The following GABRA5 variants were observed in gnomAD, a reference collection of about 807,000 sequenced individuals.
The protein encoded by GABRA5 is gamma-aminobutyric acid type A receptor subunit alpha5.
A neutral mutation model predicts 47.3 loss-of-function variants in GABRA5; 18 were observed. That is an observed-to-expected ratio of 0.38 (90% CI 0.26 to 0.56). The LOEUF (loss-of-function observed/expected upper bound fraction) is 0.56. GABRA5 is among the 20% of genes least tolerant of loss of function. The pLI is 0.71. For missense variants in GABRA5, 365 were observed against 599.3 expected (o/e 0.61, Z 4.08); for synonymous variants, 237 against 229.3 (o/e 1.03, Z -0.30).
At chr15:26,868,690 A>C (rs780665732) in intron 1 of GABRA5, 39 bp from the exon 2 acceptor site, 1 of 153,626 alleles carries the variant, frequency 6.5e-6, no homozygotes, top group East Asian at 1.9e-4. Context: ...CTGTTTCTTA[A>C]ATGTGCTTTT....
In GABRA5 at chr15:26,899,582, G is replaced by A. The variant is rs552965536; in HGVS notation, c.498-15221G>A. 3.7e-4 allele frequency among the ~76,000 whole-genome samples: 56 copies of A among 152,266 alleles called. 1 individual carries two copies. Among genetic ancestry groups the A allele is most frequent in the African/African-American group, 1.3e-3 (55 of 41,538 alleles). On this transcript the variant is annotated intron_variant, in intron 6 of 10. Transcript: ENST00000335625. Reference sequence around the variant, plus strand: ...GTGTATTTTTCTCTGAGGTTTGTTAGTTTGGTCTGATATATTTTTGAGTTT... The same window carrying A: ...GTGTATTTTTCTCTGAGGTTTGTTAATTTGGTCTGATATATTTTTGAGTTT...
Position 26,883,574 on chromosome 15 carries a change from G to T in GABRA5, c.497+17G>T. 6.6e-7 allele frequency: 1 copy of T among 1,525,354 alleles called. No homozygotes were observed. The highest frequency in any genetic ancestry group is 1.2e-5 in the South Asian group (1 of 84,900). 94.5% of individuals were successfully genotyped at this position (1,525,354 alleles called of 1,614,324 possible). ...CACCATGCGGTGAGCGCCGGGCGGG[G>T]GCGGGCGGGGCCGGGGGACGGTGCG... On this transcript the variant is annotated intron_variant, in intron 6 of 10. Transcript: ENST00000335625. This position sits in a 1 kb window ranked among gnomAD's most constrained non-coding sequence, Gnocchi z 4.8.
At chr15:26,897,629 A>G (rs1050757130) in intron 6 of GABRA5, among the ~76,000 whole-genome samples, 1 of 152,184 alleles carries the variant, frequency 6.6e-6, no homozygotes, top group African/African-American at 2.4e-5. Context: ...TTTCTTTACA[A>G]ACTCAACAGG....
In GABRA5 at chr15:26,948,289, G is replaced by A; in HGVS notation, c.*56G>A. ...ATACTTCCAGCGAAATGGTACCAAG[G>A]AGAGGTCTTGCTCACAGGGACTCTC... On this transcript the variant is annotated 3_prime_UTR_variant, in exon 11 of 11. Coordinates refer to ENST00000335625, the MANE Select transcript of GABRA5 (RefSeq NM_000810.4). 1 of 1,547,268 alleles carries A rather than the reference G, an allele frequency of 6.5e-7. No individual in the cohort carries two copies. The highest frequency in any genetic ancestry group is 8.8e-7 in the Non-Finnish European group (1 of 1,140,580).
At chr15:26,892,397 G>C (rs1165375884) in intron 6 of GABRA5, among the ~76,000 whole-genome samples, 2 of 152,150 alleles carry the variant, frequency 1.3e-5, no homozygotes, top group Non-Finnish European at 2.9e-5. Context: ...TCCCTTCTCC[G>C]GGCCCTACCC....
chr15:26,935,508 C>T (rs375853584), intron 7 of GABRA5, among the ~76,000 whole-genome samples: 3 of 152,340 alleles, frequency 2.0e-5, no homozygotes, highest in Non-Finnish European at 1.5e-5. Context: ...CCGGCCTCCC[C>T]ACAGCTCTCC....
At chr15:26,944,699 C>T (rs993241717) in intron 10 of GABRA5, among the ~76,000 whole-genome samples, 41 of 152,132 alleles carry the variant, frequency 2.7e-4, no homozygotes, top group African/African-American at 9.4e-4. Context: ...TGGGGAGGAA[C>T]GAGAATGGAG....
At chr15:26,934,082 A>G (rs7169164) in intron 7 of GABRA5, among the ~76,000 whole-genome samples, 72,180 of 151,532 alleles carry the variant, frequency 0.48, 17,693 homozygotes, top group East Asian at 0.85. Context: ...GCAAAACCCC[A>G]TCTATACAAA....
intron 6 of GABRA5, among the ~76,000 whole-genome samples, chr15:26,891,864 C>G (rs957370752): frequency 6.6e-5 from 10 of 152,214 alleles, no homozygotes; most frequent in African/African-American, 2.4e-4. Flanking sequence ...GCCAAGTGAC[C>G]CGCTCTGCTC....
In GABRA5 at chr15:26,908,167, A is replaced by G. The variant is rs540584315; in HGVS notation, c.498-6636A>G. Among the ~76,000 whole-genome samples, 3 of 152,184 alleles carry G rather than the reference A, an allele frequency of 2.0e-5. No homozygotes were observed. The East Asian group carries it at 5.8e-4, about 29-fold the overall frequency. ...CAGTTCTTTTTAATTGAATATTTGG[A>G]TCAGTATATCTTCATTTGCTAATCT... On this transcript the variant is annotated intron_variant, in intron 6 of 10. Transcript: ENST00000335625.
rs1410236615 is a variant in GABRA5 at position 26,883,729 on chromosome 15, C to T, written c.497+172C>T. Among the ~76,000 whole-genome samples the T allele has an allele frequency of 6.6e-6, 1 of 152,206 alleles. No individual in the cohort carries two copies. Among genetic ancestry groups the T allele is most frequent in the Non-Finnish European group, 1.5e-5 (1 of 68,026 alleles). ...ATCTGCCCACACCAGCGCTCTTGGACGTTCTTTCCCAGGGCTGCCATAGGT... is the reference window on the plus strand; with the variant it reads ...ATCTGCCCACACCAGCGCTCTTGGATGTTCTTTCCCAGGGCTGCCATAGGT... On this transcript the variant is annotated intron_variant, in intron 6 of 10. Transcript: ENST00000335625. The surrounding 1 kb of genome is among the most constrained non-coding windows in gnomAD (Gnocchi z 4.8).
At chr15:26,897,114 T>A (rs1360328912) in intron 6 of GABRA5, among the ~76,000 whole-genome samples, 2 of 151,988 alleles carry the variant, frequency 1.3e-5, no homozygotes, top group Non-Finnish European at 2.9e-5. Flanking sequence ...TCACTGCCAT[T>A]ATAGAGAATA....
At chr15:26,902,317 T>G (rs540391638) in intron 6 of GABRA5, among the ~76,000 whole-genome samples, 1 of 152,250 alleles carries the variant, frequency 6.6e-6, no homozygotes, top group Non-Finnish European at 1.5e-5. Context: ...TTTATTTTAT[T>G]AGAGTTTTCT....
Position 26,890,597 on chromosome 15 carries a change from A to G in GABRA5, c.497+7040A>G, listed in dbSNP as rs549790862. 2.4e-4 allele frequency among the ~76,000 whole-genome samples: 37 copies of G among 152,068 alleles called. No homozygotes were observed. In the South Asian group the frequency reaches 7.3e-3, roughly 30 times the overall value. ...CTCCCTGTAGGCACGCAGCCACACC[A>G]TCCTTCATGTCCTCAGTCACTGAAG... On this transcript the variant is annotated intron_variant, in intron 6 of 10. Coordinates refer to ENST00000335625, the MANE Select transcript of GABRA5 (RefSeq NM_000810.4).
chr15:26,947,782 C>G (rs750396808), intron 10 of GABRA5, among the ~76,000 whole-genome samples, 152 bp from the exon 11 acceptor site: 1 of 152,198 alleles, frequency 6.6e-6, no homozygotes, highest in Non-Finnish European at 1.5e-5. Flanking sequence ...TGTGCCCTGT[C>G]TGCAGGCTAC....
chr15:26,946,007 C>T (rs762429451), intron 10 of GABRA5, among the ~76,000 whole-genome samples: 24 of 151,772 alleles, frequency 1.6e-4, no homozygotes, highest in Admixed American at 6.5e-4. Context: ...AAGGCGGGGA[C>T]GGCAAAACTG....
chr15:26,946,608 G>A (rs1325563632), intron 10 of GABRA5, among the ~76,000 whole-genome samples: 1 of 152,114 alleles, frequency 6.6e-6, no homozygotes, highest in Non-Finnish European at 1.5e-5. Context: ...CCTTTGCTGA[G>A]TGTGGACAAA....
chr15:26,874,734 G>A (rs1026331706), intron 3 of GABRA5, among the ~76,000 whole-genome samples: 1 of 152,086 alleles, frequency 6.6e-6, no homozygotes, highest in Non-Finnish European at 1.5e-5. Flanking sequence ...GCAGTTCATT[G>A]AAAACTCTAT....
chr15:26,876,812 T>A (rs1440588808), intron 3 of GABRA5, among the ~76,000 whole-genome samples: 2 of 152,144 alleles, frequency 1.3e-5, no homozygotes, highest in African/African-American at 4.8e-5. Context: ...CTGATGGGCA[T>A]GGCAAGAGAA....
Sources: allele counts gnomAD v4.1 joint callset (sites outside exome capture counted in the v4.1 genomes callset), GRCh38; gene constraint gnomAD v4.1.1; non-coding constraint Gnocchi (gnomAD v3.1); transcripts MANE v1.5; gene names NCBI Gene and HGNC (gene_info 2026-07-23, HGNC 2026-07-21).